Variants in TECPR1 observed in about 807,000 individuals in gnomAD.
TECPR1 encodes tectonin beta-propeller repeat containing 1.
TECPR1 carries 122 observed loss-of-function variants against 162.4 expected under a neutral mutation model. The observed-to-expected ratio is 0.75, with a 90% CI of 0.65 to 0.87. The LOEUF is 0.87. Among genes scored for constraint, TECPR1 ranks in the 40% least tolerant of loss-of-function variants. The pLI is 0.00. For missense variants in TECPR1, 1,432 were observed against 1,618.2 expected, an observed-to-expected ratio of 0.88 and a Z score of 1.97; for synonymous variants, 642 against 670.6, an observed-to-expected ratio of 0.96 and a Z score of 0.66.
At position 98,244,465 on chromosome 7, in the gene TECPR1, C is replaced by T. The variant is rs575070919; in HGVS notation, c.531+106G>A. 38 of 1,434,496 alleles carry T rather than the reference C, an allele frequency of 2.6e-5. No individual in the cohort carries two copies. The South Asian group carries it at 4.9e-4, about 18-fold the overall frequency. The allele number at this position is 1,434,496 out of a possible 1,614,324, so 88.9% of individuals were successfully genotyped here. On this transcript the variant is annotated intron_variant, in intron 5 of 25. Coordinates refer to ENST00000447648, the MANE Select transcript of TECPR1 (RefSeq NM_015395.3). Reference sequence around the variant, plus strand: ...CTCAAAGGCCAGGTCCCGAGGTGGGCGTGGTGTCCCCTGGTGCACACAGGT... The same window carrying T: ...CTCAAAGGCCAGGTCCCGAGGTGGGTGTGGTGTCCCCTGGTGCACACAGGT...
rs1562931032 is a variant in TECPR1, at chr7:98,217,409, T to C, written c.3479A>G (p.His1160Arg). ...EQEPSAPPEA[H>R]GPVCC ...GGGGCCTCAGCAGCAGACGGGGCCATGGGCCTCTGGTGGGGCACTCGGCTC... is the reference window on the plus strand; with the variant it reads ...GGGGCCTCAGCAGCAGACGGGGCCACGGGCCTCTGGTGGGGCACTCGGCTC... The change falls in exon 26 of 26, where the codon CAT (histidine) becomes CGT (arginine). Residue 1160 changes from histidine (H) to arginine (R), a missense_variant. Physicochemically the swap from His to Arg is conservative, Grantham distance 29. Transcript: ENST00000447648. The C allele has an allele frequency of 6.2e-7, 1 of 1,600,280 alleles. No homozygotes were observed. Among genetic ancestry groups the C allele is most frequent in the Non-Finnish European group, 8.5e-7 (1 of 1,173,680 alleles).
chr7:98,222,889 C>T (rs964435841), intron 21 of TECPR1, 101 bp downstream of exon 21: 1 of 1,458,886 alleles, frequency 6.9e-7, no homozygotes, highest in African/African-American at 1.4e-5. Flanking sequence ...CAGGCAGTGT[C>T]CACTGGTCCT....
In TECPR1 at chr7:98,222,370, G is replaced by T; in HGVS notation, c.3064+16C>A. 1 of 1,604,616 alleles carries T rather than the reference G, an allele frequency of 6.2e-7. No homozygotes were observed. Among genetic ancestry groups the T allele is most frequent in the South Asian group, 1.1e-5 (1 of 89,500 alleles). The stretch of plus-strand genomic sequence containing the variant: ...GAAGGTGAACACTGCAGGGGCTCCT[G>T]GGGCGCGGCACTCACCGGCTGGCTG... On this transcript the variant is annotated intron_variant, in intron 22 of 25. Transcript: ENST00000447648.
In TECPR1 at chr7:98,241,085, T is replaced by C. The variant is rs1369730182; in HGVS notation, c.817A>G (p.Arg273Gly). 17 of 1,607,738 alleles carry C rather than the reference T, an allele frequency of 1.1e-5. No individual in the cohort carries two copies. The highest frequency in any genetic ancestry group is 1.4e-5 in the Non-Finnish European group (17 of 1,177,126). ...GQALVREGIN[R>G]SNPKGSSWSI... The stretch of plus-strand genomic sequence containing the variant: ...GGCTGCCCACCTTTGGGATTGCTCC[T>C]GTTGATTCCTTCCCGGACCAGGGCC... The change falls in exon 7 of 26, where the codon AGG becomes GGG. Residue 273 changes from arginine to glycine, a missense_variant. Transcript: ENST00000447648. The surrounding 1 kb of genome is among the most constrained non-coding windows in gnomAD (Gnocchi z 5.0).
At chr7:98,243,357 G>A in intron 6 of TECPR1, 110 bp downstream of exon 6, 1 of 1,442,112 alleles carries the variant, frequency 6.9e-7, no homozygotes, top group Non-Finnish European at 9.3e-7. Flanking sequence ...CAGGCATGGG[G>A]TGGGGGGGCC....
intron 10 of TECPR1, among the ~76,000 whole-genome samples, chr7:98,235,308 A>G (rs1290157451): frequency 6.6e-6 from 1 of 151,468 alleles, no homozygotes; most frequent in Non-Finnish European, 1.5e-5. Context: ...GGAGGATCAC[A>G]AGGTCAGGAG....
intron 24 of TECPR1, 47 bp downstream of exon 24, chr7:98,217,889 G>C: frequency 1.2e-5 from 19 of 1,545,764 alleles, no homozygotes; most frequent in Non-Finnish European, 1.6e-5. Flanking sequence ...AGACCAGAGA[G>C]GGAACCAGAG....
chr7:98,234,068 C>T (rs1451255633), intron 10 of TECPR1, among the ~76,000 whole-genome samples, 157 bp from the exon 11 acceptor site: 1 of 152,246 alleles, frequency 6.6e-6, no homozygotes, highest in Admixed American at 6.5e-5. Flanking sequence ...GCAAGGTATA[C>T]ATCAGCACCT....
intron 15 of TECPR1, 71 bp from the exon 16 acceptor site, chr7:98,229,237 T>C (rs1448649076): frequency 2.6e-6 from 4 of 1,512,186 alleles, no homozygotes; most frequent in Non-Finnish European, 3.6e-6. Context: ...GCTGCCCTTT[T>C]GTTCCGTGTC....
intron 20 of TECPR1, 61 bp from the exon 21 acceptor site, chr7:98,223,231 C>T: frequency 6.7e-7 from 1 of 1,484,280 alleles, no homozygotes; most frequent in Non-Finnish European, 9.0e-7. Flanking sequence ...GCTCCAGGGC[C>T]TCTGCCTCTG....
At chr7:98,223,541 T>A (rs1317467520) in intron 20 of TECPR1, 121 bp downstream of exon 20, 3 of 1,044,344 alleles carry the variant, frequency 2.9e-6, no homozygotes, top group African/African-American at 3.2e-5. Flanking sequence ...CACTGCTTCT[T>A]CCCTTGGGAC....
At position 98,243,712 on chromosome 7, in the gene TECPR1, T is replaced by C. The variant is rs1040595398; in HGVS notation, c.532-120A>G. Reference sequence around the variant, plus strand: ...TCTTCAGCCCAGCCTGCAGCTGCCTTAATTCACAGGGAAGGCAGCATCAGG... The same window carrying C: ...TCTTCAGCCCAGCCTGCAGCTGCCTCAATTCACAGGGAAGGCAGCATCAGG... On this transcript the variant is annotated intron_variant, in intron 5 of 25. Coordinates refer to ENST00000447648, the MANE Select transcript of TECPR1 (RefSeq NM_015395.3). 8 of 1,317,180 alleles carry C rather than the reference T, an allele frequency of 6.1e-6. No homozygotes were observed. The African/African-American group carries it at 8.9e-5, about 15-fold the overall frequency. The allele number at this position is 1,317,180 out of a possible 1,614,324, so 81.6% of individuals were successfully genotyped here. A position where few individuals can be genotyped will look rare whatever the true frequency, so the allele number is the denominator to read the frequency against.
intron 2 of TECPR1, 92 bp from the exon 3 acceptor site, chr7:98,246,257 T>A: frequency 1.3e-6 from 1 of 761,380 alleles, no homozygotes; most frequent in South Asian, 2.0e-5. Context: ...CTGTGACTAT[T>A]TATTCTTTTT....
chr7:98,248,301 A>G (rs1465137597), intron 2 of TECPR1, among the ~76,000 whole-genome samples: 1 of 152,134 alleles, frequency 6.6e-6, no homozygotes, highest in Admixed American at 6.5e-5. Flanking sequence ...GATCCAACCC[A>G]GGACACTGGC....
At position 98,231,795 on chromosome 7, in the gene TECPR1, C is replaced by T. The variant is rs371644648; in HGVS notation, c.1974+9G>A. 2,044 of 1,609,662 alleles carry T rather than the reference C, an allele frequency of 1.3e-3. 2 individuals are homozygous for T. Among genetic ancestry groups the T allele is most frequent in the Non-Finnish European group, 1.6e-3 (1,937 of 1,177,548 alleles). ...CCCTGGCCCCATCTCCTGTGGGACCCGTGGGCACCTTCTTCTCCTCGTGGA... is the reference window on the plus strand; with the variant it reads ...CCCTGGCCCCATCTCCTGTGGGACCTGTGGGCACCTTCTTCTCCTCGTGGA... On this transcript the variant is annotated intron_variant, in intron 13 of 25. Coordinates refer to ENST00000447648, the MANE Select transcript of TECPR1 (RefSeq NM_015395.3).
At chr7:98,236,404 AC>A (rs1309004735) in intron 10 of TECPR1, among the ~76,000 whole-genome samples, 1 of 151,470 alleles carries the variant, frequency 6.6e-6, no homozygotes, top group Non-Finnish European at 1.5e-5. Context: ...CTTTACTTCC[AC>A]CCCAGAGAAA....
chr7:98,245,044 G>C lies in TECPR1; in HGVS notation c.249C>G (p.Phe83Leu). 6.3e-7 allele frequency: 1 copy of C among 1,596,070 alleles called. No homozygotes were observed. The highest frequency in any genetic ancestry group is 8.5e-7 in the Non-Finnish European group (1 of 1,172,244). The change falls in exon 4 of 26, where the codon TTC (phenylalanine) becomes TTG (leucine). Residue 83 changes from phenylalanine (F) to leucine (L), a missense_variant. Phe to Leu is a conservative substitution (Grantham distance 22, BLOSUM62 0). Coordinates refer to ENST00000447648, the MANE Select transcript of TECPR1 (RefSeq NM_015395.3). ...ENQRWNPMGG[F>L]CEKLLLSDRW... Reference sequence around the variant, plus strand: ...GGTCACTCAGCAGGAGCTTCTCACAGAAGCCGCCCATGGGATTCCAGCGCT... The same window carrying C: ...GGTCACTCAGCAGGAGCTTCTCACACAAGCCGCCCATGGGATTCCAGCGCT...
At position 98,215,797 on chromosome 7, in the gene TECPR1, C is replaced by G. The variant is rs898604197; in HGVS notation, c.*1593G>C. 1 of 152,212 alleles carries G rather than the reference C, an allele frequency of 6.6e-6. No homozygotes were observed. Among genetic ancestry groups the G allele is most frequent in the Non-Finnish European group, 1.5e-5 (1 of 68,042 alleles). 9.4% of individuals were successfully genotyped at this position (152,212 alleles called of 1,614,324 possible). A position where few individuals can be genotyped will look rare whatever the true frequency, so the allele number is the denominator to read the frequency against. On this transcript the variant is annotated 3_prime_UTR_variant, in exon 26 of 26. Transcript: ENST00000447648. ...GTGGCCACCACCGCCAGGCCCTTCCCGTGATTGATCTGAGAGCTTCACAGC... is the reference window on the plus strand; with the variant it reads ...GTGGCCACCACCGCCAGGCCCTTCCGGTGATTGATCTGAGAGCTTCACAGC...
At chr7:98,245,381 C>T (rs35272066) in intron 3 of TECPR1, among the ~76,000 whole-genome samples, 83,713 of 152,186 alleles carry the variant, frequency 0.55, 24,135 homozygotes, top group Middle Eastern at 0.71. Flanking sequence ...GGAGCCTGCC[C>T]TCGTGGGGAC....
Sources: allele counts gnomAD v4.1 joint callset (sites outside exome capture counted in the v4.1 genomes callset), GRCh38; gene constraint gnomAD v4.1.1; non-coding constraint Gnocchi (gnomAD v3.1); transcripts MANE v1.5; gene names NCBI Gene and HGNC (gene_info 2026-07-23, HGNC 2026-07-21).